CFAP61: variants seen among roughly 807,000 people sequenced by gnomAD.
CFAP61 encodes the protein cilia and flagella associated protein 61, also known as cilia- and flagella-associated protein 61.
A neutral mutation model predicts 135.6 loss-of-function variants in CFAP61; 107 were observed. The observed-to-expected ratio is 0.79, with a 90% CI of 0.67 to 0.93. CFAP61 has a LOEUF of 0.93. CFAP61 is among the 40% of genes least tolerant of loss of function. CFAP61 has a pLI of 0.00. For missense variants in CFAP61, 1,507 were observed against 1,556.2 expected (o/e 0.97, Z 0.53); for synonymous variants, 575 against 578.5 (o/e 0.99, Z 0.09).
intron 25 of CFAP61, among the ~76,000 whole-genome samples, chr20:20,313,547 G>A (rs2056947415): frequency 6.6e-6 from 1 of 152,146 alleles, no homozygotes; most frequent in African/African-American, 2.4e-5. Flanking sequence ...AGCAGTGATG[G>A]GAATGGCATC....
intron 8 of CFAP61, among the ~76,000 whole-genome samples, chr20:20,112,729 A>C (rs1241971826): frequency 6.6e-6 from 1 of 152,198 alleles, no homozygotes. Context: ...GAATGTTTTC[A>C]GTTTAAAATA....
chr20:20,118,190 T>C (rs1247943367), intron 8 of CFAP61, among the ~76,000 whole-genome samples: 1 of 152,154 alleles, frequency 6.6e-6, no homozygotes, highest in Non-Finnish European at 1.5e-5. Context: ...TTGCAACTTT[T>C]TTTCATTTAG....
At chr20:20,256,799 A>G (rs564959338) in intron 20 of CFAP61, among the ~76,000 whole-genome samples, 6 of 152,334 alleles carry the variant, frequency 3.9e-5, no homozygotes, top group African/African-American at 1.2e-4. Context: ...TACCCGAAAA[A>G]CATATTGTCC....
intron 25 of CFAP61, chr20:20,323,028 T>C (rs1379087740): frequency 4.1e-6 from 4 of 985,352 alleles, no homozygotes; most frequent in South Asian, 4.7e-5. Flanking sequence ...GATGAGATTA[T>C]GCAGCTCTGA....
chr20:20,071,437 C>A (rs2045700716), intron 3 of CFAP61, among the ~76,000 whole-genome samples: 1 of 152,144 alleles, frequency 6.6e-6, no homozygotes, highest in East Asian at 1.9e-4. Flanking sequence ...CCTCATGGAC[C>A]TTGGCTTATT....
chr20:20,294,945 A>ATAG (rs1230321868), intron 24 of CFAP61, among the ~76,000 whole-genome samples: 1 of 135,246 alleles, frequency 7.4e-6, no homozygotes, highest in Non-Finnish European at 1.7e-5. Flanking sequence ...AAAAATAATA[A>ATAG]TAATAATAAT....
chr20:20,176,412 C>T (rs529125611), intron 13 of CFAP61, among the ~76,000 whole-genome samples: 2 of 144,054 alleles, frequency 1.4e-5, no homozygotes, highest in African/African-American at 5.3e-5. Flanking sequence ...GTTCATTGCG[C>T]ACCGTTCATA....
intron 17 of CFAP61, among the ~76,000 whole-genome samples, chr20:20,212,058 T>G (rs1240372836): frequency 6.6e-6 from 1 of 152,146 alleles, no homozygotes; most frequent in Non-Finnish European, 1.5e-5. Flanking sequence ...ATATCACAAG[T>G]CTTTTGATTT....
intron 9 of CFAP61, among the ~76,000 whole-genome samples, chr20:20,149,420 C>CT (rs2052206709): frequency 6.6e-6 from 1 of 152,182 alleles, no homozygotes; most frequent in Non-Finnish European, 1.5e-5. Flanking sequence ...TGAACTTTTG[C>CT]TTCGGAAACC....
At chr20:20,194,232 A>G (rs916097296) in intron 15 of CFAP61, among the ~76,000 whole-genome samples, 11 of 152,258 alleles carry the variant, frequency 7.2e-5, no homozygotes, top group African/African-American at 2.6e-4. Flanking sequence ...GTCTCTAAAC[A>G]TATATATGTT....
At chr20:20,210,389 G>A (rs577096639) in intron 17 of CFAP61, among the ~76,000 whole-genome samples, 7 of 152,334 alleles carry the variant, frequency 4.6e-5, no homozygotes, top group African/African-American at 1.7e-4. Flanking sequence ...ATGCATAACA[G>A]TCAGGCTTTT....
intron 6 of CFAP61, chr20:20,085,326 T>C: frequency 1.6e-6 from 2 of 1,221,676 alleles, no homozygotes; most frequent in Admixed American, 6.8e-5. Context: ...GACTTTGTCA[T>C]ATGCCATTTG....
chr20:20,355,678 G>A (rs2059090979), intron 26 of CFAP61, among the ~76,000 whole-genome samples: 2 of 143,752 alleles, frequency 1.4e-5, no homozygotes, highest in African/African-American at 2.6e-5. Flanking sequence ...TCACACTAAG[G>A]GGAGGTGGTC....
intron 20 of CFAP61, chr20:20,253,706 T>G: frequency 2.7e-6 from 1 of 365,672 alleles, no homozygotes; most frequent in Non-Finnish European, 5.4e-6. Context: ...AAGTGACATC[T>G]TTCAGATACT....
chr20:20,310,873 C>A (rs976903381), intron 25 of CFAP61, among the ~76,000 whole-genome samples: 4 of 152,186 alleles, frequency 2.6e-5, no homozygotes, highest in African/African-American at 9.6e-5. Context: ...GTGGAAGCAC[C>A]TCCTCAGGGT....
chr20:20,276,376 A>G (rs2424316), intron 21 of CFAP61, among the ~76,000 whole-genome samples: 14,664 of 152,296 alleles, frequency 0.096, 785 homozygotes, highest in Non-Finnish European at 0.12. Flanking sequence ...TGCCAATTCA[A>G]TGTCAAAAAT....
At chr20:20,290,225 G>C (rs1273997101) in intron 23 of CFAP61, 75 bp from the exon 24 acceptor site, 1 of 933,594 alleles carries the variant, frequency 1.1e-6, no homozygotes, top group African/African-American at 1.6e-5. Context: ...TGTTTGTCCT[G>C]TGATGAAAAT....
intron 13 of CFAP61, chr20:20,172,366 G>C (rs546176556): frequency 2.4e-5 from 18 of 751,756 alleles, no homozygotes; most frequent in Non-Finnish European, 2.9e-5. Flanking sequence ...GCCCAGGCTG[G>C]AATGCAATGG....
At chr20:20,066,982 A>T (rs1037699141) in intron 2 of CFAP61, among the ~76,000 whole-genome samples, 5 of 152,166 alleles carry the variant, frequency 3.3e-5, no homozygotes, top group African/African-American at 1.2e-4. Context: ...ATGTGATACA[A>T]AGGTGTATTT....
Sources: allele counts gnomAD v4.1 joint callset (sites outside exome capture counted in the v4.1 genomes callset), GRCh38; gene constraint gnomAD v4.1.1; transcripts MANE v1.5; gene names NCBI Gene and HGNC (gene_info 2026-07-23, HGNC 2026-07-21).